RPS6KC1: variants seen among roughly 807,000 people sequenced by gnomAD.
RPS6KC1 encodes the protein inactive ribosomal protein S6 kinase delta-1.
A neutral mutation model predicts 103.8 loss-of-function variants in RPS6KC1; 54 were observed. The observed-to-expected ratio is 0.52, with a 90% CI of 0.42 to 0.65. The LOEUF is 0.65. Among genes scored for constraint, RPS6KC1 ranks in the 30% least tolerant of loss-of-function variants. RPS6KC1 has a pLI of 0.00. For missense variants in RPS6KC1, 1,151 were observed against 1,253.8 expected (o/e 0.92, Z 1.24); for synonymous variants, 439 against 438.7 (o/e 1.00, Z -0.01).
chr1:213,203,509 C>T (rs1420204771), intron 8 of RPS6KC1, among the ~76,000 whole-genome samples: 1 of 151,636 alleles, frequency 6.6e-6, no homozygotes, highest in African/African-American at 2.4e-5. Flanking sequence ...TTATGAAATG[C>T]CTGTTTTAAG....
the RPS6KC1 span, among the ~76,000 whole-genome samples, chr1:213,683,753 C>T: frequency 4.6e-5 from 7 of 152,178 alleles, no homozygotes; most frequent in South Asian, 2.1e-4. Flanking sequence ...CCCAACTCCA[C>T]GTTCCCCACC....
intron 3 of RPS6KC1, among the ~76,000 whole-genome samples, chr1:213,094,652 G>C (rs1331494468): frequency 6.6e-6 from 1 of 152,164 alleles, no homozygotes; most frequent in Non-Finnish European, 1.5e-5. Context: ...GAACTGGCCA[G>C]GCACTATATT....
intron 3 of RPS6KC1, among the ~76,000 whole-genome samples, chr1:213,078,231 C>CT (rs11416944): frequency 0.56 from 71,561 of 128,306 alleles, 20,549 homozygotes; most frequent in Non-Finnish European, 0.68. Flanking sequence ...CCTTAGTATT[C>CT]TTTTTTTTTT....
intron 10 of RPS6KC1, among the ~76,000 whole-genome samples, chr1:213,233,225 T>G (rs1392385911): frequency 6.6e-6 from 1 of 152,178 alleles, no homozygotes; most frequent in Non-Finnish European, 1.5e-5. Context: ...GACCTCCATA[T>G]GCAGTATTTA....
chr1:213,854,173 A>C, the RPS6KC1 span, among the ~76,000 whole-genome samples: 1 of 152,202 alleles, frequency 6.6e-6, no homozygotes, highest in Admixed American at 6.5e-5. Flanking sequence ...CACAAATAGA[A>C]TATGATAATT....
the RPS6KC1 span, among the ~76,000 whole-genome samples, chr1:213,614,448 C>T: frequency 1.3e-5 from 2 of 152,224 alleles, no homozygotes; most frequent in African/African-American, 2.4e-5. Context: ...GAGTCTGTTG[C>T]AAAGCACCTT....
chr1:213,439,526 CAG>C, the RPS6KC1 span, among the ~76,000 whole-genome samples: 1 of 152,072 alleles, frequency 6.6e-6, no homozygotes, highest in African/African-American at 2.4e-5. Flanking sequence ...TTTGTGGAAA[CAG>C]ATACTGAGAG....
At chr1:213,812,586 T>C in the RPS6KC1 span, among the ~76,000 whole-genome samples, 1 of 152,190 alleles carries the variant, frequency 6.6e-6, no homozygotes, top group Non-Finnish European at 1.5e-5. Context: ...TTAAAGACAG[T>C]TCATTTAGGA....
At chr1:213,508,198 C>T in the RPS6KC1 span, among the ~76,000 whole-genome samples, 1 of 152,020 alleles carries the variant, frequency 6.6e-6, no homozygotes, top group South Asian at 2.1e-4. Context: ...CTGTTTTTAC[C>T]CATTGTATCA....
chr1:213,142,061 G>C (rs2149094763), intron 6 of RPS6KC1, among the ~76,000 whole-genome samples: 1 of 152,026 alleles, frequency 6.6e-6, no homozygotes, highest in African/African-American at 2.4e-5. Flanking sequence ...CTCCATTGTT[G>C]GGTGCATATA....
chr1:213,784,960 C>A, the RPS6KC1 span, among the ~76,000 whole-genome samples: 82 of 152,122 alleles, frequency 5.4e-4, no homozygotes, highest in African/African-American at 1.8e-3. Flanking sequence ...TGATCCCTGG[C>A]AAACTTTTCA....
chr1:213,728,953 T>TG, the RPS6KC1 span, among the ~76,000 whole-genome samples: 2 of 140,126 alleles, frequency 1.4e-5, no homozygotes, highest in Non-Finnish European at 3.0e-5. Context: ...TTTTTGTTTT[T>TG]TTTTTTTTTT....
chr1:213,682,435 A>T, the RPS6KC1 span, among the ~76,000 whole-genome samples: 1 of 152,236 alleles, frequency 6.6e-6, no homozygotes, highest in South Asian at 2.1e-4. Flanking sequence ...CTCACAGTCT[A>T]TGGAGGGAAA....
intron 12 of RPS6KC1, among the ~76,000 whole-genome samples, chr1:213,252,284 G>A (rs1415885615): frequency 1.3e-5 from 2 of 152,170 alleles, no homozygotes; most frequent in African/African-American, 4.8e-5. Context: ...TAATGTTTCT[G>A]TGCCCTAGCT....
At chr1:213,327,264 G>GAAAGAAAGA in the RPS6KC1 span, among the ~76,000 whole-genome samples, 2 of 151,564 alleles carry the variant, frequency 1.3e-5, no homozygotes, top group Non-Finnish European at 2.9e-5. Context: ...AAGAAAGAAA[G>GAAAGAAAGA]AAGCTCTATT....
At chr1:213,227,216 A>G (rs1286872459) in intron 8 of RPS6KC1, among the ~76,000 whole-genome samples, 1 of 152,184 alleles carries the variant, frequency 6.6e-6, no homozygotes, top group Admixed American at 6.5e-5. Context: ...TTTAGTTTTT[A>G]TCTTTATGGA....
chr1:213,843,967 G>A, the RPS6KC1 span, among the ~76,000 whole-genome samples: 514 of 150,994 alleles, frequency 3.4e-3, 2 homozygotes, highest in African/African-American at 0.012. Flanking sequence ...AATGGCTGTT[G>A]TTGAGGACTC....
chr1:213,451,354 T>C, the RPS6KC1 span, among the ~76,000 whole-genome samples: 1 of 152,236 alleles, frequency 6.6e-6, no homozygotes, highest in Non-Finnish European at 1.5e-5. Flanking sequence ...CCAAATAGGT[T>C]TTAAGCAAAG....
At chr1:213,255,029 GGTGGCTCGTGCCTGTAATTCCAGCATTTT>G (rs1262870065) in intron 12 of RPS6KC1, among the ~76,000 whole-genome samples, 1 of 152,058 alleles carries the variant, frequency 6.6e-6, no homozygotes, top group Non-Finnish European at 1.5e-5. Flanking sequence ...GGCCAGGCGT[GGTGGCTCGTGCCTGTAATTCCAGCATTTT>G]GTGAGACCAA....
Sources: gnomAD v4.1 joint callset for allele counts (sites outside exome capture counted in the v4.1 genomes callset) on GRCh38, gnomAD v4.1.1 for gene constraint, MANE v1.5 for transcripts, NCBI Gene and HGNC (gene_info 2026-07-23, HGNC 2026-07-21) for gene names.